RSPH4A: variants seen among roughly 807,000 people sequenced by gnomAD.
RSPH4A encodes the protein radial spoke head protein 4 homolog A.
RSPH4A carries 47 observed loss-of-function variants against 71.0 expected under a neutral mutation model. The observed-to-expected ratio is 0.66, with a 90% CI of 0.52 to 0.84. RSPH4A has a LOEUF of 0.84. RSPH4A is among the 40% of genes least tolerant of loss of function. The pLI is 0.00. For synonymous variants in RSPH4A, 282 were observed against 302.3 expected, an observed-to-expected ratio of 0.93 and a Z score of 0.70; for missense variants, 793 against 855.2, an observed-to-expected ratio of 0.93 and a Z score of 0.91.
Position 116,632,338 on chromosome 6 carries a change from TGGA to T in RSPH4A, c.2056_2058del (p.Glu686del). 3.7e-6 allele frequency: 6 copies of T among 1,613,836 alleles called. No individual in the cohort carries two copies. Among genetic ancestry groups the T allele is most frequent in the Non-Finnish European group, 5.1e-6 (6 of 1,179,982 alleles). On this transcript the variant is annotated inframe_deletion, in exon 6 of 6. Coordinates refer to ENST00000229554, the MANE Select transcript of RSPH4A (RefSeq NM_001010892.3). ...ATTACAGAAATGGATGATCCTAGTGTGGAGGAGGAGCAGGCTTTCAGGGCTGCA... is the reference window on the plus strand; with the variant it reads ...ATTACAGAAATGGATGATCCTAGTGTGGAGGAGCAGGCTTTCAGGGCTGCA...
chr6:116,616,537 C>A lies in RSPH4A; in HGVS notation c.-87C>A, dbSNP rs1421043850. The stretch of plus-strand genomic sequence containing the variant: ...CAGGACCCAGAAATCGCTTAAGAGA[C>A]CGCGGCAAAGTAACTTAACTGAGTT... On this transcript the variant is annotated 5_prime_UTR_variant, in exon 1 of 6. Transcript: ENST00000229554. 1.7e-6 allele frequency: 2 copies of A among 1,197,566 alleles called. No individual in the cohort carries two copies. Among genetic ancestry groups the A allele is most frequent in the East Asian group, 2.5e-5 (1 of 39,352 alleles). 74.2% of individuals were successfully genotyped at this position (1,197,566 alleles called of 1,614,324 possible).
intron 2 of RSPH4A, among the ~76,000 whole-genome samples, chr6:116,625,367 A>G (rs1775677729): frequency 1.3e-5 from 2 of 152,194 alleles, no homozygotes; most frequent in South Asian, 4.1e-4. Context: ...TAATGTTTGG[A>G]AAAGTCGATT....
At chr6:116,623,050 G>C in intron 2 of RSPH4A, 48 bp downstream of exon 2, 1 of 1,109,408 alleles carries the variant, frequency 9.0e-7, no homozygotes, top group South Asian at 1.2e-5. Flanking sequence ...GATTTTATTT[G>C]GGACGAATGG....
rs747419302 is a variant in RSPH4A, at chr6:116,627,810, T to G, written c.1103T>G (p.Val368Gly). 6 of 1,613,952 alleles carry G rather than the reference T, an allele frequency of 3.7e-6. No individual in the cohort carries two copies. The Admixed American group carries it at 6.7e-5, about 18-fold the overall frequency. The change falls in exon 3 of 6, where the codon GTA becomes GGA. Residue 368 changes from valine to glycine, a missense_variant. Coordinates refer to ENST00000229554, the MANE Select transcript of RSPH4A (RefSeq NM_001010892.3). ...KILGLEMNYI[V>G]AEVEFREGED... is the part of the protein sequence containing the mutation. ...TTGGGTCTGGAAATGAATTATATTG[T>G]AGCTGAAGTGGAATTTCGTGAGGGG...
intron 1 of RSPH4A, among the ~76,000 whole-genome samples, chr6:116,620,222 G>A (rs1318558146): frequency 6.6e-6 from 1 of 152,112 alleles, no homozygotes; most frequent in Non-Finnish European, 1.5e-5. Context: ...TTAAAACAAT[G>A]TGAAAACATA....
In RSPH4A at chr6:116,632,877, A is replaced by C. The variant is rs9488993; in HGVS notation, c.*436A>C. 14,682 of 202,836 alleles carry C rather than the reference A, an allele frequency of 0.072. 836 individuals carry two copies. The highest frequency in any genetic ancestry group is 0.16 in the Admixed American group (3,103 of 18,862). The allele number at this position is 202,836 out of a possible 1,614,324, so 12.6% of individuals were successfully genotyped here. A position where few individuals can be genotyped will look rare whatever the true frequency, so the allele number is the denominator to read the frequency against. ...TTGGAAACATCAATACTTTTTAAAG[A>C]GTGTCAAGGGGTATGAAGACAAAAA... On this transcript the variant is annotated 3_prime_UTR_variant, in exon 6 of 6. Transcript: ENST00000229554.
rs1239973373 is a variant in RSPH4A, at chr6:116,628,258, A to C, written c.1551A>C (p.Glu517Asp). 1.2e-6 allele frequency: 2 copies of C among 1,611,944 alleles called. No homozygotes were observed. The highest frequency in any genetic ancestry group is 4.5e-5 in the East Asian group (2 of 44,870). ...EEEGEEEEEA[E>D]GGRNSFEENP... ...AAGGAGAGGAGGAGGAAGAGGCAGAAGGTGGGCGAAATAGCTTTGAGGAAA... is the reference window on the plus strand; with the variant it reads ...AAGGAGAGGAGGAGGAAGAGGCAGACGGTGGGCGAAATAGCTTTGAGGAAA... The change falls in exon 3 of 6, where the codon GAA becomes GAC. Residue 517 changes from glutamate to aspartate, a missense_variant. Glu to Asp is a conservative substitution (Grantham distance 45, BLOSUM62 2). Transcript: ENST00000229554.
intron 1 of RSPH4A, among the ~76,000 whole-genome samples, chr6:116,619,722 A>AT (rs1250390200): frequency 2.6e-5 from 4 of 151,718 alleles, no homozygotes; most frequent in South Asian, 4.2e-4. Context: ...TTATTAGTTA[A>AT]TTTTTTTTTC....
In RSPH4A at chr6:116,617,275, C is replaced by G; in HGVS notation, c.652C>G (p.Leu218Val). The G allele has an allele frequency of 1.2e-6, 2 of 1,612,700 alleles. No homozygotes were observed. Among genetic ancestry groups the G allele is most frequent in the South Asian group, 1.1e-5 (1 of 90,852 alleles). Residue 218 changes from leucine (L) to valine (V), a missense_variant, in exon 1 of 6, where the codon CTG becomes GTG. Physicochemically the swap from Leu to Val is conservative, Grantham distance 32. Transcript: ENST00000229554. ...EITIQNAKAY[L>V]LKTSSNSGFN... ...CACCATTCAGAATGCTAAGGCTTAC[C>G]TGCTGAAGACTAGCAGCAATTCGGG...
In RSPH4A at chr6:116,632,189, T is replaced by G. The variant is rs1293611581; in HGVS notation, c.1917-18T>G. 1.9e-6 allele frequency: 3 copies of G among 1,567,518 alleles called. No individual in the cohort carries two copies. The highest frequency in any genetic ancestry group is 2.6e-6 in the Non-Finnish European group (3 of 1,148,002). On this transcript the variant is annotated intron_variant, in intron 5 of 5. Coordinates refer to ENST00000229554, the MANE Select transcript of RSPH4A (RefSeq NM_001010892.3). Reference sequence around the variant, plus strand: ...TTATATAATGATCTTTTTTTCTTCTTCTTTTTCTTACTTATAGAAAGTTTG... The same window carrying G: ...TTATATAATGATCTTTTTTTCTTCTGCTTTTTCTTACTTATAGAAAGTTTG...
In RSPH4A at chr6:116,629,713, G is replaced by GTAAC. The variant is rs1562392492; in HGVS notation, c.1798+14_1798+17dup. 6.2e-7 allele frequency: 1 copy of GTAAC among 1,601,066 alleles called. No homozygotes were observed. The highest frequency in any genetic ancestry group is 1.3e-5 in the African/African-American group (1 of 74,550). ...TCTCTGAAGATTTAGGTTATTTTAC[G>GTAAC]TAACTATTATCACACACAGACACAC... On this transcript the variant is annotated intron_variant, in intron 4 of 5. Transcript: ENST00000229554.
rs1219872372 is a variant in RSPH4A at position 116,616,605 on chromosome 6, T to G, written c.-19T>G. Reference sequence around the variant, plus strand: ...CACGCCCCTTTCATCCAGAACATTTTTTTTCTTGAACTGCTTCCATGGAGG... The same window carrying G: ...CACGCCCCTTTCATCCAGAACATTTGTTTTCTTGAACTGCTTCCATGGAGG... On this transcript the variant is annotated 5_prime_UTR_variant, in exon 1 of 6. Coordinates refer to ENST00000229554, the MANE Select transcript of RSPH4A (RefSeq NM_001010892.3). 6.3e-7 allele frequency: 1 copy of G among 1,599,620 alleles called. No individual in the cohort carries two copies. The highest frequency in any genetic ancestry group is 2.2e-5 in the East Asian group (1 of 44,600).
At chr6:116,620,175 G>A (rs1397593159) in intron 1 of RSPH4A, among the ~76,000 whole-genome samples, 3 of 152,028 alleles carry the variant, frequency 2.0e-5, no homozygotes, top group Non-Finnish European at 4.4e-5. Flanking sequence ...AAATTGCAAA[G>A]GAACACATTA....
At position 116,616,600 on chromosome 6, in the gene RSPH4A, C is replaced by A. The variant is rs768423209; in HGVS notation, c.-24C>A. 1.9e-6 allele frequency: 3 copies of A among 1,589,716 alleles called. No individual in the cohort carries two copies. The highest frequency in any genetic ancestry group is 4.5e-5 in the East Asian group (2 of 44,452). On this transcript the variant is annotated 5_prime_UTR_variant, in exon 1 of 6. Coordinates refer to ENST00000229554, the MANE Select transcript of RSPH4A (RefSeq NM_001010892.3). ...ATTTTCACGCCCCTTTCATCCAGAA[C>A]ATTTTTTTTCTTGAACTGCTTCCAT...
intron 2 of RSPH4A, among the ~76,000 whole-genome samples, chr6:116,624,639 TAG>T (rs1187145055): frequency 8.5e-5 from 13 of 152,200 alleles, no homozygotes; most frequent in Non-Finnish European, 1.6e-4. Flanking sequence ...CAGGAACAGA[TAG>T]AGAGACAGGT....
intron 2 of RSPH4A, among the ~76,000 whole-genome samples, chr6:116,626,536 T>A (rs1308701234): frequency 6.6e-6 from 1 of 151,976 alleles, no homozygotes. Flanking sequence ...AGAGATGGGG[T>A]TTCACCATGT....
At chr6:116,630,870 T>TTTTTTTTTTTC (rs1554249740) in intron 5 of RSPH4A, among the ~76,000 whole-genome samples, 1 of 144,806 alleles carries the variant, frequency 6.9e-6, no homozygotes, top group Non-Finnish European at 1.5e-5. Context: ...TTTTTTTTTT[T>TTTTTTTTTTTC]AGTAGAGACA....
Position 116,617,021 on chromosome 6 carries a change from A to T in RSPH4A, c.398A>T (p.Asp133Val), listed in dbSNP as rs1337222964. Residue 133 changes from aspartate (D) to valine (V), a missense_variant, in exon 1 of 6, where the codon GAT becomes GTT. By Grantham distance (152) the Asp-to-Val change is radical. Coordinates refer to ENST00000229554, the MANE Select transcript of RSPH4A (RefSeq NM_001010892.3). ...CCTGATCCTTTGGAACAATCATCTG[A>T]TAAAAGAGAATCAACTCCTCATCAC... Reference protein sequence around the residue: ...PYPDPLEQSSDKRESTPHHTS... With the variant: ...PYPDPLEQSSVKRESTPHHTS... 1 of 1,614,238 alleles carries T rather than the reference A, an allele frequency of 6.2e-7. No individual in the cohort carries two copies. Among genetic ancestry groups the T allele is most frequent in the Non-Finnish European group, 8.5e-7 (1 of 1,180,044 alleles).
At chr6:116,618,802 G>A (rs974358126) in intron 1 of RSPH4A, among the ~76,000 whole-genome samples, 1 of 152,192 alleles carries the variant, frequency 6.6e-6, no homozygotes, top group Non-Finnish European at 1.5e-5. Flanking sequence ...ATATCCACCT[G>A]GAGATAGCAT....
Sources: allele counts gnomAD v4.1 joint callset (sites outside exome capture counted in the v4.1 genomes callset), GRCh38; gene constraint gnomAD v4.1.1; transcripts MANE v1.5; gene names NCBI Gene and HGNC (gene_info 2026-07-23, HGNC 2026-07-21).